CDH23: variants seen among roughly 807,000 people sequenced by gnomAD.
CDH23 encodes the protein cadherin-23.
Under a neutral mutation model 317.1 loss-of-function variants are expected in CDH23, and 189 were observed. That is an observed-to-expected ratio of 0.60 (90% confidence interval 0.53 to 0.67). The LOEUF is 0.67. Among genes scored for constraint, CDH23 ranks in the 30% least tolerant of loss-of-function variants. The probability of loss-of-function intolerance (pLI) is 0.00; values close to 1 mark genes in which losing one functional copy is unlikely to be tolerated. For synonymous variants in CDH23, 1,839 were observed against 1,876.8 expected, an observed-to-expected ratio of 0.98 and a Z score of 0.52; for missense variants, 4,401 against 4,592.4, an observed-to-expected ratio of 0.96 and a Z score of 1.20.
intron 28 of CDH23, among the ~76,000 whole-genome samples, chr10:71,721,376 C>T (rs1486482894): frequency 6.6e-6 from 1 of 152,184 alleles, no homozygotes; most frequent in Non-Finnish European, 1.5e-5. Context: ...TGGCATCACT[C>T]ATGTTGACCT....
chr10:71,621,409 A>C (rs2132529983), intron 11 of CDH23, among the ~76,000 whole-genome samples: 1 of 152,324 alleles, frequency 6.6e-6, no homozygotes, highest in East Asian at 1.9e-4. Context: ...TCCTGATTGC[A>C]CTGAATGGTG....
intron 1 of CDH23, among the ~76,000 whole-genome samples, chr10:71,399,834 A>G (rs1847700981): frequency 6.6e-6 from 1 of 152,054 alleles, no homozygotes; most frequent in African/African-American, 2.4e-5. Context: ...TGGAGGGGGC[A>G]GGGTTTCCGG....
chr10:71,785,505 A>G (rs1841079343), intron 43 of CDH23, 126 bp from the exon 44 acceptor site: 1 of 667,384 alleles, frequency 1.5e-6, no homozygotes. Context: ...GCCGACCCAC[A>G]TTTTTGGCCT....
At chr10:71,446,198 T>A in intron 2 of CDH23, 120 bp from the exon 3 acceptor site, 1 of 946,716 alleles carries the variant, frequency 1.1e-6, no homozygotes, top group South Asian at 1.4e-5. Flanking sequence ...TCCTGGGAAG[T>A]TGACCATGGC....
rs760116319 is a variant in CDH23 at position 71,694,289 on chromosome 10, T to A, written c.2289+30T>A. On this transcript the variant is annotated intron_variant, in intron 21 of 69. Coordinates refer to ENST00000224721, the MANE Select transcript of CDH23 (RefSeq NM_022124.6). The stretch of plus-strand genomic sequence containing the variant: ...GTGCGCTCCCCTCCCGTGCCCCAGC[T>A]CCCCCTCGCCGGCCAGGCTGCTGCT... 3.9e-6 allele frequency: 6 copies of A among 1,550,368 alleles called. No homozygotes were observed. In the African/African-American group the frequency reaches 8.2e-5, roughly 21 times the overall value.
At chr10:71,510,504 A>G (rs1403249090) in intron 4 of CDH23, among the ~76,000 whole-genome samples, 2 of 152,070 alleles carry the variant, frequency 1.3e-5, no homozygotes, top group Non-Finnish European at 2.9e-5. Context: ...ATGGCCCTCC[A>G]TGGAGGGTAC....
chr10:71,450,446 T>C (rs1179003503), intron 3 of CDH23, among the ~76,000 whole-genome samples: 2 of 152,028 alleles, frequency 1.3e-5, no homozygotes, highest in African/African-American at 4.8e-5. Flanking sequence ...TTTTATGTTT[T>C]TAGTAGAGAC....
intron 14 of CDH23, among the ~76,000 whole-genome samples, chr10:71,668,225 G>A (rs538980755): frequency 6.6e-6 from 1 of 152,272 alleles, no homozygotes; most frequent in East Asian, 1.9e-4. Flanking sequence ...GGCAGGCATA[G>A]CTAGAGTTGC....
Position 71,682,557 on chromosome 10 carries a change from C to T in CDH23, c.1971C>T (p.Val657=), listed in dbSNP as rs769007852. Residue 657 remains valine, a synonymous_variant, in exon 18 of 70, where the codon GTC becomes GTT. Transcript: ENST00000224721. ...GNPPLNSTVP[V]TIEVFDENDN... is the part of the protein sequence containing the mutation. ...CCCCTCTCAACAGCACCGTCCCTGT[C>T]ACCATCGAGGTGTTTGTAAGTACCC... The T allele has an allele frequency of 3.3e-5, 53 of 1,613,348 alleles. No homozygotes were observed. The Admixed American group carries it at 8.5e-4, about 26-fold the overall frequency.
chr10:71,710,731 C>T (rs1185960792), intron 27 of CDH23, among the ~76,000 whole-genome samples: 6 of 152,348 alleles, frequency 3.9e-5, no homozygotes, highest in Admixed American at 3.9e-4. Flanking sequence ...GCAGGGAGGG[C>T]ACTTCAGGCA....
chr10:71,723,754 T>G (rs1866675662), intron 28 of CDH23, among the ~76,000 whole-genome samples: 1 of 152,166 alleles, frequency 6.6e-6, no homozygotes, highest in South Asian at 2.1e-4. Flanking sequence ...CCCAGCGAGC[T>G]GCAGTGCCAT....
At chr10:71,435,627 C>A (rs1849581544) in intron 1 of CDH23, among the ~76,000 whole-genome samples, 1 of 152,196 alleles carries the variant, frequency 6.6e-6, no homozygotes, top group Non-Finnish European at 1.5e-5. Flanking sequence ...AAGCAGGAAG[C>A]CCAGCACAGA....
intron 3 of CDH23, among the ~76,000 whole-genome samples, chr10:71,488,988 G>A (rs976705519): frequency 2.6e-5 from 4 of 152,172 alleles, no homozygotes; most frequent in African/African-American, 9.7e-5. Context: ...AAGGTAGTCT[G>A]TTTTTCTTCT....
chr10:71,590,897 C>CAAAAAA (rs1242410489), intron 9 of CDH23, among the ~76,000 whole-genome samples: 1 of 72,236 alleles, frequency 1.4e-5, no homozygotes, highest in African/African-American at 6.4e-5. Flanking sequence ...CAAAAAAAAA[C>CAAAAAA]AAAAAAAAAC....
chr10:71,746,435 C>T (rs1839854813), intron 38 of CDH23, among the ~76,000 whole-genome samples: 1 of 152,222 alleles, frequency 6.6e-6, no homozygotes, highest in Admixed American at 6.5e-5. Flanking sequence ...CACCCGAACT[C>T]GGAACAGCTG....
At chr10:71,432,075 C>A (rs1283299963) in intron 1 of CDH23, among the ~76,000 whole-genome samples, 1 of 152,132 alleles carries the variant, frequency 6.6e-6, no homozygotes, top group African/African-American at 2.4e-5. Flanking sequence ...TTGCAAGGAA[C>A]CTGGCTTCCT....
chr10:71,630,688 A>G (rs1048227726), intron 11 of CDH23, among the ~76,000 whole-genome samples: 5 of 152,214 alleles, frequency 3.3e-5, no homozygotes, highest in Non-Finnish European at 7.3e-5. Context: ...AGACGCCAAG[A>G]AGGCACATGG....
At chr10:71,628,875 C>A (rs1203522998) in intron 11 of CDH23, among the ~76,000 whole-genome samples, 1 of 152,216 alleles carries the variant, frequency 6.6e-6, no homozygotes, top group African/African-American at 2.4e-5. Flanking sequence ...TTTTCCCCTC[C>A]CTGGTTCTGA....
chr10:71,803,815 C>CAAAAAAAAAAAAAAAAAAA, intron 55 of CDH23, among the ~76,000 whole-genome samples: 1 of 71,086 alleles, frequency 1.4e-5, no homozygotes, highest in Non-Finnish European at 2.6e-5. Flanking sequence ...ACTAAAAATG[C>CAAAAAAAAAAAAAAAAAAA]AAAAAAAAAA....
Sources: allele counts gnomAD v4.1 joint callset (sites outside exome capture counted in the v4.1 genomes callset), GRCh38; gene constraint gnomAD v4.1.1; transcripts MANE v1.5; gene names NCBI Gene and HGNC (gene_info 2026-07-23, HGNC 2026-07-21).